FOXN3: variants seen among roughly 807,000 people sequenced by gnomAD.
FOXN3 encodes forkhead box protein N3.
Under a neutral mutation model 38.4 loss-of-function variants are expected in FOXN3, and 7 were observed. The observed-to-expected ratio is 0.18, with a 90% CI of 0.10 to 0.34. The LOEUF (loss-of-function observed/expected upper bound fraction) is 0.34, where lower values mean the gene tolerates loss of function less well. FOXN3 is among the 10% of genes least tolerant of loss of function. The probability of loss-of-function intolerance (pLI) is 1.00; values close to 1 mark genes in which losing one functional copy is unlikely to be tolerated. For synonymous variants in FOXN3, 230 were observed against 242.2 expected (o/e 0.95, Z 0.47); for missense variants, 456 against 613.4 (o/e 0.74, Z 2.71).
intron 3 of FOXN3, among the ~76,000 whole-genome samples, chr14:89,319,074 T>C (rs1269597952): frequency 6.6e-6 from 1 of 152,180 alleles, no homozygotes; most frequent in Non-Finnish European, 1.5e-5. Context: ...TGTTGGTACC[T>C]GAGTCAAGGG....
At chr14:89,335,686 T>C (rs1171917545) in intron 3 of FOXN3, among the ~76,000 whole-genome samples, 1 of 152,258 alleles carries the variant, frequency 6.6e-6, no homozygotes, top group Non-Finnish European at 1.5e-5. Context: ...TTATATCTAT[T>C]CATTTTTATT....
chr14:89,168,048 C>T (rs993066853), intron 5 of FOXN3, among the ~76,000 whole-genome samples: 1 of 152,036 alleles, frequency 6.6e-6, no homozygotes, highest in Non-Finnish European at 1.5e-5. Context: ...ACCCAAGCCA[C>T]AAGGAATTTC....
At chr14:89,452,958 G>C (rs1892642895) in intron 1 of FOXN3, among the ~76,000 whole-genome samples, 2 of 152,284 alleles carry the variant, frequency 1.3e-5, no homozygotes, top group Middle Eastern at 6.8e-3. Context: ...CAGCACTTTG[G>C]AAGGCCGAGA....
chr14:89,519,819 G>A (rs749235027), intron 1 of FOXN3, among the ~76,000 whole-genome samples: 1 of 152,140 alleles, frequency 6.6e-6, no homozygotes, highest in Non-Finnish European at 1.5e-5. Flanking sequence ...TGTTTCTGGT[G>A]ATAGCAGCAT....
chr14:89,297,536 G>C (rs966178291), intron 3 of FOXN3, among the ~76,000 whole-genome samples: 1 of 148,652 alleles, frequency 6.7e-6, no homozygotes, highest in Non-Finnish European at 1.5e-5. Flanking sequence ...CTCCAGCCTG[G>C]GCAACAGAGC....
At chr14:89,572,119 G>C (rs570595119) in intron 1 of FOXN3, among the ~76,000 whole-genome samples, 1 of 152,292 alleles carries the variant, frequency 6.6e-6, no homozygotes, top group African/African-American at 2.4e-5. Flanking sequence ...GGTAACAATG[G>C]AATGGAGGAA....
chr14:89,306,329 C>T (rs1049930153), intron 3 of FOXN3, among the ~76,000 whole-genome samples: 5 of 115,372 alleles, frequency 4.3e-5, no homozygotes, highest in South Asian at 2.8e-4. Flanking sequence ...GACACACAGA[C>T]GCATGCACAC....
At chr14:89,535,006 ATT>A (rs551012408) in intron 1 of FOXN3, among the ~76,000 whole-genome samples, 5 of 152,170 alleles carry the variant, frequency 3.3e-5, no homozygotes, top group Admixed American at 6.5e-5. Context: ...TTAATGAAGA[ATT>A]TTTTTTCTCA....
chr14:89,607,416 G>T (rs1039791123), intron 1 of FOXN3, among the ~76,000 whole-genome samples: 6 of 152,052 alleles, frequency 3.9e-5, no homozygotes, highest in African/African-American at 1.2e-4. Flanking sequence ...AAAATGAGCC[G>T]GGCATGGTGG....
chr14:89,319,916 C>T (rs993383315), intron 3 of FOXN3, among the ~76,000 whole-genome samples: 11 of 152,278 alleles, frequency 7.2e-5, no homozygotes, highest in South Asian at 2.1e-4. Flanking sequence ...TAATAGGTCT[C>T]GAGGTTGCTG....
At chr14:89,333,749 T>TAAAAAAAA (rs57491119) in intron 3 of FOXN3, among the ~76,000 whole-genome samples, 2 of 57,266 alleles carry the variant, frequency 3.5e-5, no homozygotes, top group African/African-American at 1.3e-4. Flanking sequence ...GAGAGACTAT[T>TAAAAAAAA]AAAAAAAAAA....
At chr14:89,214,619 AC>A (rs1389800610) in intron 4 of FOXN3, among the ~76,000 whole-genome samples, 1 of 152,082 alleles carries the variant, frequency 6.6e-6, no homozygotes, top group East Asian at 1.9e-4. Flanking sequence ...GATGGAAAGG[AC>A]CCTTTTCCAG....
intron 3 of FOXN3, among the ~76,000 whole-genome samples, chr14:89,335,981 TAAG>T (rs1383079721): frequency 6.6e-6 from 1 of 152,166 alleles, no homozygotes; most frequent in East Asian, 1.9e-4. Flanking sequence ...TCATTTGCTC[TAAG>T]AAGAATTCAT....
chr14:89,236,518 A>G (rs528878898), intron 4 of FOXN3, among the ~76,000 whole-genome samples: 2 of 152,306 alleles, frequency 1.3e-5, no homozygotes, highest in Non-Finnish European at 2.9e-5. Context: ...CTGTCTCAAA[A>G]AAATAAAAAG....
At chr14:89,333,090 A>G (rs36038796) in intron 3 of FOXN3, 27,428 of 153,064 alleles carry the variant, frequency 0.18, 2,855 homozygotes, top group South Asian at 0.3. Flanking sequence ...TGGTGAGGAC[A>G]TGGAGAAAAG....
At chr14:89,302,592 T>A (rs1433941212) in intron 3 of FOXN3, among the ~76,000 whole-genome samples, 1 of 152,082 alleles carries the variant, frequency 6.6e-6, no homozygotes, top group Non-Finnish European at 1.5e-5. Flanking sequence ...TGGTGCTGGG[T>A]CATTGGGCTC....
At chr14:89,576,831 G>A (rs969111188) in intron 1 of FOXN3, 3 of 152,166 alleles carry the variant, frequency 2.0e-5, no homozygotes, top group Admixed American at 6.5e-5. Context: ...ATGGCAATTA[G>A]AACAGGAGCA....
At chr14:89,221,378 G>A (rs1037995316) in intron 4 of FOXN3, among the ~76,000 whole-genome samples, 1 of 152,082 alleles carries the variant, frequency 6.6e-6, no homozygotes. Flanking sequence ...GTACTTAAAA[G>A]CCACCTTCTT....
intron 3 of FOXN3, among the ~76,000 whole-genome samples, chr14:89,325,347 C>T (rs200503473): frequency 0.078 from 9,597 of 122,520 alleles, 447 homozygotes; most frequent in African/African-American, 0.17. Context: ...CCACCACCAC[C>T]ACCACCACCA....
Sources: allele counts gnomAD v4.1 joint callset (sites outside exome capture counted in the v4.1 genomes callset), GRCh38; gene constraint gnomAD v4.1.1; transcripts MANE v1.5; gene names NCBI Gene and HGNC (gene_info 2026-07-23, HGNC 2026-07-21).